The following MGAT5 variants were observed in gnomAD, a reference collection of about 807,000 sequenced individuals.
The protein encoded by MGAT5 is alpha-1,6-mannosylglycoprotein 6-beta-N-acetylglucosaminyltransferase, also known as alpha-1,6-mannosylglycoprotein 6-beta-N-acetylglucosaminyltransferase A.
Under a neutral mutation model 94.3 loss-of-function variants are expected in MGAT5, and 30 were observed. That is an observed-to-expected ratio of 0.32 (90% CI 0.24 to 0.43). MGAT5 has a LOEUF of 0.43. Ranked by LOEUF, MGAT5 falls within the 20% of genes least tolerant of loss-of-function variation. The pLI is 1.00. For synonymous variants in MGAT5, 310 were observed against 322.9 expected, an observed-to-expected ratio of 0.96 and a Z score of 0.43; for missense variants, 691 against 905.5, an observed-to-expected ratio of 0.76 and a Z score of 3.04.
chr2:134,180,772 A>G (rs1441463148), intron 1 of MGAT5, among the ~76,000 whole-genome samples: 3 of 152,214 alleles, frequency 2.0e-5, no homozygotes, highest in African/African-American at 7.2e-5. Context: ...GAAGGAGACC[A>G]GGAATGTTTT....
intron 2 of MGAT5, among the ~76,000 whole-genome samples, chr2:134,289,324 G>A (rs1327082308): frequency 6.6e-6 from 1 of 152,120 alleles, no homozygotes; most frequent in Non-Finnish European, 1.5e-5. Flanking sequence ...CTCTTCCAGG[G>A]TGCCGATCTC....
chr2:134,403,134 C>G lies in MGAT5; in HGVS notation c.1527C>G (p.Thr509=), dbSNP rs987914093. 7.5e-6 allele frequency: 12 copies of G among 1,600,982 alleles called. No individual in the cohort carries two copies. The highest frequency in any genetic ancestry group is 1.0e-5 in the Non-Finnish European group (12 of 1,177,124). Residue 509 remains threonine, a synonymous_variant, in exon 11 of 16, where the codon ACC becomes ACG. Transcript: ENST00000281923. ...GRDLQFLLRE[T]KLFVGLGFPY... The stretch of plus-strand genomic sequence containing the variant: ...ACCTGCAGTTCCTTCTTCGAGAAAC[C>G]AAGGTAAAAATTCACCACGGATGTG...
At chr2:134,446,037 G>C (rs1478535950) in intron 15 of MGAT5, among the ~76,000 whole-genome samples, 2 of 152,174 alleles carry the variant, frequency 1.3e-5, no homozygotes, top group African/African-American at 4.8e-5. Flanking sequence ...ACTGGGGCCA[G>C]GGGGTTGGTT....
At chr2:134,321,692 A>G (rs1429362278) in intron 4 of MGAT5, among the ~76,000 whole-genome samples, 1 of 152,206 alleles carries the variant, frequency 6.6e-6, no homozygotes, top group East Asian at 1.9e-4. Flanking sequence ...CTTCTTATGC[A>G]GATATCGGGT....
chr2:134,207,790 T>G (rs1045960439), intron 1 of MGAT5, among the ~76,000 whole-genome samples: 1 of 152,148 alleles, frequency 6.6e-6, no homozygotes, highest in African/African-American at 2.4e-5. Flanking sequence ...GCCCCCTGCC[T>G]GCCACCAAGC....
intron 10 of MGAT5, among the ~76,000 whole-genome samples, chr2:134,391,176 G>A (rs1411236899): frequency 1.3e-5 from 2 of 152,106 alleles, no homozygotes; most frequent in African/African-American, 2.4e-5. Flanking sequence ...GGCTGGGGAT[G>A]GGGATTGAGT....
At chr2:134,294,062 T>C (rs1270453927) in intron 2 of MGAT5, among the ~76,000 whole-genome samples, 1 of 152,170 alleles carries the variant, frequency 6.6e-6, no homozygotes, top group Non-Finnish European at 1.5e-5. Flanking sequence ...GCATGTTCAG[T>C]GTAAAGATGT....
intron 4 of MGAT5, among the ~76,000 whole-genome samples, chr2:134,321,112 G>A (rs1687289177): frequency 6.6e-6 from 1 of 152,172 alleles, no homozygotes; most frequent in African/African-American, 2.4e-5. Context: ...GTGGCTTGTG[G>A]CCTGCCTTCT....
intron 2 of MGAT5, among the ~76,000 whole-genome samples, chr2:134,295,713 C>A (rs1685633954): frequency 6.6e-6 from 1 of 152,142 alleles, no homozygotes; most frequent in African/African-American, 2.4e-5. Context: ...ATCAGGAATA[C>A]TGTTTGGTCA....
At chr2:134,421,819 A>G (rs1356340225) in intron 12 of MGAT5, among the ~76,000 whole-genome samples, 1 of 152,040 alleles carries the variant, frequency 6.6e-6, no homozygotes, top group Admixed American at 6.6e-5. Context: ...ATGACCTTAA[A>G]GGGATATGAG....
intron 10 of MGAT5, among the ~76,000 whole-genome samples, chr2:134,379,882 G>A (rs1353230654): frequency 5.3e-5 from 8 of 152,172 alleles, no homozygotes; most frequent in Non-Finnish European, 1.0e-4. Flanking sequence ...TTCTTGTGGC[G>A]AAAGGATTAG....
intron 1 of MGAT5, among the ~76,000 whole-genome samples, chr2:134,127,719 C>T (rs370322858): frequency 6.6e-6 from 1 of 151,862 alleles, no homozygotes; most frequent in Non-Finnish European, 1.5e-5. Context: ...TCATGTGGGC[C>T]GATTCTGTGG....
intron 2 of MGAT5, among the ~76,000 whole-genome samples, chr2:134,280,145 C>T (rs1215692068): frequency 6.6e-6 from 1 of 152,078 alleles, no homozygotes; most frequent in Non-Finnish European, 1.5e-5. Context: ...TTTGTTTTTC[C>T]TTTCTCGCTT....
intron 2 of MGAT5, among the ~76,000 whole-genome samples, chr2:134,298,181 C>T (rs886617019): frequency 9.9e-5 from 15 of 152,084 alleles, no homozygotes; most frequent in East Asian, 7.7e-4. Context: ...CTGCCACCTC[C>T]GCCTCCTGGG....
chr2:134,175,303 C>T (rs1688408599), intron 1 of MGAT5, among the ~76,000 whole-genome samples: 1 of 152,242 alleles, frequency 6.6e-6, no homozygotes, highest in Non-Finnish European at 1.5e-5. Context: ...TCCATATTCC[C>T]TGCCTTTCTG....
intron 8 of MGAT5, 42 bp downstream of exon 8, chr2:134,345,106 C>G: frequency 6.3e-7 from 1 of 1,586,192 alleles, no homozygotes; most frequent in Non-Finnish European, 8.6e-7. Flanking sequence ...TTTTTTTCCC[C>G]TCCTTAACAA....
At chr2:134,136,011 C>G (rs1686394708) in intron 1 of MGAT5, among the ~76,000 whole-genome samples, 1 of 152,174 alleles carries the variant, frequency 6.6e-6, no homozygotes, top group Non-Finnish European at 1.5e-5. Flanking sequence ...CTTTCATTTT[C>G]CCTAACTTCT....
intron 1 of MGAT5, among the ~76,000 whole-genome samples, chr2:134,145,212 C>CTGTGTGTGTGTGTG (rs1350453588): frequency 3.3e-4 from 37 of 113,776 alleles, no homozygotes; most frequent in African/African-American, 1.2e-3. Flanking sequence ...GTGTCTCTCT[C>CTGTGTGTGTGTGTG]TCTGTGTGTG....
At chr2:134,132,419 C>T (rs965885411) in intron 1 of MGAT5, among the ~76,000 whole-genome samples, 2 of 152,332 alleles carry the variant, frequency 1.3e-5, no homozygotes, top group African/African-American at 2.4e-5. Flanking sequence ...AGAAAAGTTT[C>T]ATAAAAAGTA....
Sources: gnomAD v4.1 joint callset for allele counts (sites outside exome capture counted in the v4.1 genomes callset) on GRCh38, gnomAD v4.1.1 for gene constraint, MANE v1.5 for transcripts, NCBI Gene and HGNC (gene_info 2026-07-23, HGNC 2026-07-21) for gene names.